Variants in URB1 observed in about 807,000 individuals in gnomAD.
URB1 encodes URB1 ribosome biogenesis factor.
Under a neutral mutation model 242.3 loss-of-function variants are expected in URB1, and 197 were observed. The observed-to-expected ratio is 0.81, with a 90% CI of 0.72 to 0.91. URB1 has a LOEUF of 0.91. URB1 is among the 40% of genes least tolerant of loss of function. URB1 has a pLI of 0.00. For missense variants in URB1, 2,721 were observed against 2,860.5 expected (o/e 0.95, Z 1.11); for synonymous variants, 1,153 against 1,201.8 (o/e 0.96, Z 0.84).
chr21:32,333,147 T>A, intron 30 of URB1, 170 bp downstream of exon 30: 1 of 636,832 alleles, frequency 1.6e-6, no homozygotes, highest in Non-Finnish European at 2.7e-6. Flanking sequence ...TAACTGTGAC[T>A]TTGCTGAAAA....
chr21:32,352,603 C>T (rs1354907290), intron 19 of URB1, 107 bp downstream of exon 19: 2 of 1,351,228 alleles, frequency 1.5e-6, no homozygotes, highest in Non-Finnish European at 2.0e-6. Flanking sequence ...GAAATTTCAC[C>T]CTGCAGGCTG....
In URB1 at chr21:32,337,403, C is replaced by A; in HGVS notation, c.4621+1G>T. ...ACACTACCCAGCCCTCACACCCTCA[C>A]CTAGGACGCTGAGAGTGGCGCCATA... On this transcript the variant is annotated splice_donor_variant, in intron 27 of 38. Coordinates refer to ENST00000382751, the MANE Select transcript of URB1 (RefSeq NM_014825.3). LOFTEE classifies it high-confidence loss of function. The A allele has an allele frequency of 6.4e-7, 1 of 1,550,948 alleles. No individual in the cohort carries two copies. The highest frequency in any genetic ancestry group is 8.7e-7 in the Non-Finnish European group (1 of 1,146,414).
chr21:32,385,167 T>C (rs765815550), intron 2 of URB1, among the ~76,000 whole-genome samples: 1 of 152,326 alleles, frequency 6.6e-6, no homozygotes, highest in East Asian at 1.9e-4. Flanking sequence ...GGCGCATCAA[T>C]ATCCCAATGT....
intron 9 of URB1, among the ~76,000 whole-genome samples, chr21:32,367,821 A>T (rs1401746223): frequency 6.6e-6 from 1 of 152,180 alleles, no homozygotes; most frequent in African/African-American, 2.4e-5. Flanking sequence ...TCCCAGTCTA[A>T]CTGTGCTGAG....
chr21:32,333,175 T>C, intron 30 of URB1, 142 bp downstream of exon 30: 2 of 742,098 alleles, frequency 2.7e-6, no homozygotes, highest in Non-Finnish European at 4.7e-6. Flanking sequence ...AATGAACAGA[T>C]GAGGATGGCT....
intron 32 of URB1, among the ~76,000 whole-genome samples, chr21:32,323,322 G>T (rs1165641152): frequency 6.6e-6 from 1 of 152,212 alleles, no homozygotes; most frequent in East Asian, 1.9e-4. Flanking sequence ...GCCTTGACAA[G>T]CTATCTACCC....
In URB1 at chr21:32,385,126, T is replaced by A. The variant is rs148087508; in HGVS notation, c.282+419A>T. 7.7e-3 allele frequency among the ~76,000 whole-genome samples: 1,166 copies of A among 152,014 alleles called. 18 individuals carry two copies. Among genetic ancestry groups the A allele is most frequent in the Middle Eastern group, 0.027 (8 of 294 alleles). On this transcript the variant is annotated intron_variant, in intron 2 of 38. Coordinates refer to ENST00000382751, the MANE Select transcript of URB1 (RefSeq NM_014825.3). ...TCCTTTAGAGATATTCAGATCTACATCCTTATAGCAATAACCCTGAGATTT... is the reference window on the plus strand; with the variant it reads ...TCCTTTAGAGATATTCAGATCTACAACCTTATAGCAATAACCCTGAGATTT...
chr21:32,320,882 C>A (rs1300528783), intron 34 of URB1, among the ~76,000 whole-genome samples: 1 of 152,180 alleles, frequency 6.6e-6, no homozygotes, highest in African/African-American at 2.4e-5. Context: ...TTCCGTTAAT[C>A]CATCATCTGG....
At chr21:32,391,057 G>A (rs1420546481) in intron 1 of URB1, among the ~76,000 whole-genome samples, 1 of 152,166 alleles carries the variant, frequency 6.6e-6, no homozygotes, top group Non-Finnish European at 1.5e-5. Context: ...ATGAGTTCAT[G>A]TCCTTTGTAG....
rs574910888 is a variant in URB1, at chr21:32,366,572, T to C, written c.1335+46A>G. The C allele has an allele frequency of 2.0e-5, 31 of 1,548,082 alleles. No individual in the cohort carries two copies. The South Asian group carries it at 3.2e-4, about 16-fold the overall frequency. Reference sequence around the variant, plus strand: ...ATAATCACATCATGTAGCCAGCGAGTTTAGCTGGAGGCAGTTCCAGAAGTG... The same window carrying C: ...ATAATCACATCATGTAGCCAGCGAGCTTAGCTGGAGGCAGTTCCAGAAGTG... On this transcript the variant is annotated intron_variant, in intron 10 of 38. Coordinates refer to ENST00000382751, the MANE Select transcript of URB1 (RefSeq NM_014825.3).
In URB1 at chr21:32,311,978, C is replaced by G; in HGVS notation, c.*2940G>C. 1 of 1,613,348 alleles carries G rather than the reference C, an allele frequency of 6.2e-7. No homozygotes were observed. Among genetic ancestry groups the G allele is most frequent in the Non-Finnish European group, 8.5e-7 (1 of 1,180,036 alleles). ...GCGAGCCTCCCCCTGGAGACAGGAC[C>G]TCTCAATTGCAGAGCTGATGTCAGT... On this transcript the variant is annotated 3_prime_UTR_variant, in exon 39 of 39. Transcript: ENST00000382751.
At chr21:32,360,655 C>T (rs1034651556) in intron 13 of URB1, among the ~76,000 whole-genome samples, 14 of 152,142 alleles carry the variant, frequency 9.2e-5, no homozygotes, top group African/African-American at 3.4e-4. Flanking sequence ...AACAGGATGT[C>T]CCTTCTGCAG....
chr21:32,387,402 A>G (rs1282631290), intron 1 of URB1, among the ~76,000 whole-genome samples: 1 of 152,188 alleles, frequency 6.6e-6, no homozygotes, highest in African/African-American at 2.4e-5. Context: ...CTGGCAACAG[A>G]GTGAGACTCC....
intron 17 of URB1, 54 bp from the exon 18 acceptor site, chr21:32,354,157 C>T: frequency 1.9e-6 from 3 of 1,539,262 alleles, no homozygotes; most frequent in Non-Finnish European, 2.6e-6. Context: ...AAGGGTTTCA[C>T]TGCAAATACC....
At chr21:32,348,042 A>G (rs757485068) in intron 21 of URB1, among the ~76,000 whole-genome samples, 2 of 151,862 alleles carry the variant, frequency 1.3e-5, no homozygotes, top group Non-Finnish European at 2.9e-5. Flanking sequence ...CGCCTGAGAC[A>G]CTCCACCTGC....
At chr21:32,365,470 TAATAAAAAATAAAAATA>T (rs1022559832) in intron 10 of URB1, among the ~76,000 whole-genome samples, 4 of 151,522 alleles carry the variant, frequency 2.6e-5, no homozygotes, top group Non-Finnish European at 4.4e-5. Flanking sequence ...AAAAAAATTT[TAATAAAAAATAAAAATA>T]AATAAAAAAT....
At chr21:32,329,103 T>C (rs577367449) in intron 30 of URB1, among the ~76,000 whole-genome samples, 1,070 of 46,298 alleles carry the variant, frequency 0.023, 13 homozygotes, top group African/African-American at 0.052. Flanking sequence ...ATACAGTCTC[T>C]ACCAAAAAAA....
intron 30 of URB1, among the ~76,000 whole-genome samples, chr21:32,327,747 C>G (rs888326714): frequency 6.6e-6 from 1 of 152,178 alleles, no homozygotes; most frequent in African/African-American, 2.4e-5. Context: ...GGAAATGGAT[C>G]TATACTGTTA....
intron 36 of URB1, 89 bp downstream of exon 36, chr21:32,319,128 G>A: frequency 7.4e-7 from 1 of 1,347,038 alleles, no homozygotes; most frequent in South Asian, 1.4e-5. Context: ...CTGGTACAGA[G>A]TCATGACTGA....
Sources: allele counts gnomAD v4.1 joint callset (sites outside exome capture counted in the v4.1 genomes callset), GRCh38; gene constraint gnomAD v4.1.1; transcripts MANE v1.5; gene names NCBI Gene and HGNC (gene_info 2026-07-23, HGNC 2026-07-21).